OPCML: variants seen among roughly 807,000 people sequenced by gnomAD.
The protein encoded by OPCML is opioid binding protein/cell adhesion molecule like.
OPCML carries 13 observed loss-of-function variants against 37.8 expected under a neutral mutation model. The ratio of observed to expected loss-of-function variants is 0.34; its 90% confidence interval spans 0.22 to 0.55. The LOEUF is 0.55. Among genes scored for constraint, OPCML ranks in the 20% least tolerant of loss-of-function variants. The probability of loss-of-function intolerance (pLI) is 0.91; values close to 1 mark genes in which losing one functional copy is unlikely to be tolerated. For missense variants in OPCML, 341 were observed against 435.6 expected (o/e 0.78, Z 1.93); for synonymous variants, 176 against 168.8 (o/e 1.04, Z -0.33).
intron 1 of OPCML, among the ~76,000 whole-genome samples, chr11:133,326,259 TGGGGTGTGTGTATGTGTGTG>T (rs750869394): frequency 2.1e-4 from 29 of 136,928 alleles, no homozygotes; most frequent in Admixed American, 3.9e-4. Context: ...TGTGTGTATG[TGGGGTGTGTGTATGTGTGTG>T]GGGGTGTGGG....
intron 1 of OPCML, among the ~76,000 whole-genome samples, chr11:133,131,001 T>C (rs919722609): frequency 3.3e-5 from 5 of 152,084 alleles, no homozygotes; most frequent in Admixed American, 6.5e-5. Flanking sequence ...GTGATGATAT[T>C]TGGAGGTGGG....
At chr11:133,092,736 C>CA (rs1948927208) in intron 1 of OPCML, among the ~76,000 whole-genome samples, 1 of 151,886 alleles carries the variant, frequency 6.6e-6, no homozygotes, top group Non-Finnish European at 1.5e-5. Flanking sequence ...AACAAACAAA[C>CA]AAAAACAAAA....
chr11:133,289,594 CAAAAAA>C (rs1229577687), intron 1 of OPCML, among the ~76,000 whole-genome samples: 2 of 52,304 alleles, frequency 3.8e-5, no homozygotes, highest in African/African-American at 7.5e-5. Flanking sequence ...GACTCCATCT[CAAAAAA>C]AAAAAAAAAA....
At chr11:133,378,871 A>G (rs1366000848) in intron 1 of OPCML, among the ~76,000 whole-genome samples, 1 of 152,042 alleles carries the variant, frequency 6.6e-6, no homozygotes, top group Non-Finnish European at 1.5e-5. Context: ...GAATATGAGC[A>G]GCTAGGACAA....
chr11:132,510,495 C>T (rs571636570), intron 4 of OPCML, among the ~76,000 whole-genome samples: 25 of 152,188 alleles, frequency 1.6e-4, no homozygotes, highest in Admixed American at 7.2e-4. Context: ...CCAGAATTCC[C>T]GTATGTTCTG....
intron 2 of OPCML, among the ~76,000 whole-genome samples, chr11:132,668,144 G>A (rs1942303048): frequency 6.6e-6 from 1 of 152,152 alleles, no homozygotes; most frequent in Non-Finnish European, 1.5e-5. Flanking sequence ...TATACACGAT[G>A]AAAAGTTGAA....
chr11:133,242,813 C>T (rs545891651), intron 1 of OPCML, among the ~76,000 whole-genome samples: 101 of 152,174 alleles, frequency 6.6e-4, no homozygotes, highest in African/African-American at 2.2e-3. Context: ...AAACACTAGC[C>T]GAGTGCAGCT....
At chr11:133,364,489 GCAAA>G (rs1342341823) in intron 1 of OPCML, among the ~76,000 whole-genome samples, 5 of 152,182 alleles carry the variant, frequency 3.3e-5, no homozygotes, top group Admixed American at 1.3e-4. Flanking sequence ...TCAGTGGAAA[GCAAA>G]CAGACTCTGG....
At chr11:132,808,978 G>A (rs758998932) in intron 2 of OPCML, among the ~76,000 whole-genome samples, 7 of 151,652 alleles carry the variant, frequency 4.6e-5, no homozygotes, top group African/African-American at 2.4e-5. Context: ...TTAAAATTTG[G>A]TCGGTGGGGG....
At chr11:132,621,817 G>C (rs1273057201) in intron 3 of OPCML, among the ~76,000 whole-genome samples, 1 of 152,124 alleles carries the variant, frequency 6.6e-6, no homozygotes, top group Non-Finnish European at 1.5e-5. Context: ...GAGGTTTTAT[G>C]GAGTAAGTTT....
intron 3 of OPCML, among the ~76,000 whole-genome samples, chr11:132,614,162 C>T (rs555661773): frequency 2.2e-4 from 33 of 152,194 alleles, no homozygotes; most frequent in East Asian, 9.7e-4. Context: ...CTCCCGGTTC[C>T]GGTTCAATCC....
chr11:133,334,757 G>C (rs1943705602), intron 1 of OPCML, among the ~76,000 whole-genome samples: 1 of 152,220 alleles, frequency 6.6e-6, no homozygotes, highest in African/African-American at 2.4e-5. Context: ...CAGTGAGTGA[G>C]AGCCAAGAGC....
intron 2 of OPCML, among the ~76,000 whole-genome samples, chr11:132,917,735 T>C (rs937614386): frequency 5.9e-5 from 9 of 152,208 alleles, no homozygotes; most frequent in Admixed American, 5.2e-4. Flanking sequence ...GGGAACGCTC[T>C]GATTTCCTTA....
At chr11:133,009,549 T>C (rs1344226555) in intron 1 of OPCML, among the ~76,000 whole-genome samples, 1 of 152,144 alleles carries the variant, frequency 6.6e-6, no homozygotes, top group Admixed American at 6.5e-5. Context: ...ACTCTACAAG[T>C]TGGACAGTAG....
intron 4 of OPCML, among the ~76,000 whole-genome samples, chr11:132,497,770 A>G (rs2096236047): frequency 6.6e-6 from 1 of 152,334 alleles, no homozygotes; most frequent in Admixed American, 6.5e-5. Flanking sequence ...TCAATGTTTC[A>G]GACCATTGTT....
chr11:133,029,102 C>T (rs1315294495), intron 1 of OPCML, among the ~76,000 whole-genome samples: 3 of 152,056 alleles, frequency 2.0e-5, no homozygotes, highest in Non-Finnish European at 2.9e-5. Context: ...CACCAACAAG[C>T]ATATGAAAAA....
At chr11:132,576,337 G>A (rs915982890) in intron 3 of OPCML, among the ~76,000 whole-genome samples, 1 of 147,730 alleles carries the variant, frequency 6.8e-6, no homozygotes, top group African/African-American at 2.5e-5. Flanking sequence ...TTCTCTTTTT[G>A]TTCTCTGATT....
At chr11:132,595,081 G>A (rs1051616188) in intron 3 of OPCML, among the ~76,000 whole-genome samples, 1 of 152,092 alleles carries the variant, frequency 6.6e-6, no homozygotes, top group Admixed American at 6.6e-5. Flanking sequence ...GTCTCTCAGT[G>A]AATTTTGTCT....
At chr11:132,961,133 G>C (rs778025696) in intron 1 of OPCML, among the ~76,000 whole-genome samples, 12 of 152,126 alleles carry the variant, frequency 7.9e-5, no homozygotes, top group Non-Finnish European at 1.0e-4. Context: ...CTAATAAATA[G>C]TGCTGGGCAG....
Sources: gnomAD v4.1 joint callset for allele counts (sites outside exome capture counted in the v4.1 genomes callset) on GRCh38, gnomAD v4.1.1 for gene constraint, MANE v1.5 for transcripts, NCBI Gene and HGNC (gene_info 2026-07-23, HGNC 2026-07-21) for gene names.